Variants in FYTTD1 observed in about 807,000 individuals in gnomAD.
FYTTD1 encodes the protein forty-two-three domain containing 1, also known as UAP56-interacting factor.
In FYTTD1, 22 loss-of-function variants were observed where a neutral mutation model predicts 40.9. The observed-to-expected ratio is 0.54, with a 90% confidence interval of 0.38 to 0.77. FYTTD1 has a LOEUF of 0.77. Ranked by LOEUF, FYTTD1 falls within the 30% of genes least tolerant of loss-of-function variation. FYTTD1 has a pLI of 0.00. For synonymous variants in FYTTD1, 140 were observed against 137.9 expected, an observed-to-expected ratio of 1.01 and a Z score of -0.10; for missense variants, 351 against 392.2, an observed-to-expected ratio of 0.90 and a Z score of 0.89.
chr3:197,785,330 C>T lies in FYTTD1; in HGVS notation c.*3421C>T, dbSNP rs1466266543. The T allele has an allele frequency of 6.6e-6, 1 of 152,100 alleles. No individual in the cohort carries two copies. Among genetic ancestry groups the T allele is most frequent in the African/African-American group, 2.4e-5 (1 of 41,420 alleles). The allele number at this position is 152,100 out of a possible 1,614,324, so 9.4% of individuals were successfully genotyped here. A position where few individuals can be genotyped will look rare whatever the true frequency, so the allele number is the denominator to read the frequency against. Reference sequence around the variant, plus strand: ...ACATCTGTGTAAACGAAAAGTTGGCCCACTGTGTACATGGATTTTCCATTC... The same window carrying T: ...ACATCTGTGTAAACGAAAAGTTGGCTCACTGTGTACATGGATTTTCCATTC... On this transcript the variant is annotated 3_prime_UTR_variant, in exon 9 of 9. Coordinates refer to ENST00000241502, the MANE Select transcript of FYTTD1 (RefSeq NM_032288.7).
intron 1 of FYTTD1, chr3:197,755,939 A>G: frequency 1.6e-6 from 1 of 642,524 alleles, no homozygotes; most frequent in Non-Finnish European, 2.8e-6. Flanking sequence ...TTCTGTGATT[A>G]TGGGAAGTAG....
At chr3:197,779,908 A>G (rs1325776860) in intron 8 of FYTTD1, among the ~76,000 whole-genome samples, 3 of 133,468 alleles carry the variant, frequency 2.2e-5, no homozygotes, top group African/African-American at 5.8e-5. Flanking sequence ...GGCACACACC[A>G]CCACACCTGG....
In FYTTD1 at chr3:197,781,827, A is replaced by G; in HGVS notation, c.875A>G (p.Asn292Ser). The G allele has an allele frequency of 1.2e-6, 2 of 1,608,444 alleles. No homozygotes were observed. Among genetic ancestry groups the G allele is most frequent in the Non-Finnish European group, 1.7e-6 (2 of 1,176,458 alleles). ...SVGKQTGMTLNERFGILKEQR... is the reference protein window; with the variant it reads ...SVGKQTGMTLSERFGILKEQR... ...TTTCTCTAGACAGGGATGACGTTGA[A>G]TGAGCGGTTTGGGATCCTGAAGGAA... Residue 292 changes from asparagine (N) to serine (S), a missense_variant, in exon 9 of 9, where the codon AAT (asparagine) becomes AGT (serine). By Grantham distance (46) the Asn-to-Ser change is conservative. Transcript: ENST00000241502.
In FYTTD1 at chr3:197,781,990, C is replaced by T; in HGVS notation, c.*81C>T. On this transcript the variant is annotated 3_prime_UTR_variant, in exon 9 of 9. Coordinates refer to ENST00000241502, the MANE Select transcript of FYTTD1 (RefSeq NM_032288.7). ...GAGTTCATCACGGAAATTCAAGAAA[C>T]TTTACTTCAAAATATTCACAAGGCT... 1.4e-6 allele frequency: 1 copy of T among 718,804 alleles called. No homozygotes were observed. Among genetic ancestry groups the T allele is most frequent in the Non-Finnish European group, 2.2e-6 (1 of 460,368 alleles). 44.5% of individuals were successfully genotyped at this position (718,804 alleles called of 1,614,324 possible).
In FYTTD1 at chr3:197,756,476, A is replaced by C. The variant is rs1729218251; in HGVS notation, c.154A>C (p.Arg52=). The C allele has an allele frequency of 6.2e-7, 1 of 1,611,388 alleles. No individual in the cohort carries two copies. Residue 52 remains arginine (R), a synonymous_variant, in exon 2 of 9, where the codon AGA becomes CGA. Coordinates refer to ENST00000241502, the MANE Select transcript of FYTTD1 (RefSeq NM_032288.7). The part of the protein sequence containing the change: ...RKEGKKQNFP[R]LNRRLLQQSG... Reference sequence around the variant, plus strand: ...GGAAGGGAAGAAGCAGAATTTTCCAAGACTAAATAGAAGACTCCTCCAGCA... The same window carrying C: ...GGAAGGGAAGAAGCAGAATTTTCCACGACTAAATAGAAGACTCCTCCAGCA...
At chr3:197,774,855 C>T (rs1358636193) in intron 6 of FYTTD1, among the ~76,000 whole-genome samples, 1 of 152,146 alleles carries the variant, frequency 6.6e-6, no homozygotes, top group East Asian at 1.9e-4. Context: ...GGCCAGTGCA[C>T]ACCAGCCTGA....
At position 197,770,225 on chromosome 3, in the gene FYTTD1, C is replaced by T; in HGVS notation, c.478C>T (p.Pro160Ser). The T allele has an allele frequency of 6.2e-7, 1 of 1,608,342 alleles. No individual in the cohort carries two copies. Among genetic ancestry groups the T allele is most frequent in the Middle Eastern group, 1.7e-4 (1 of 6,054 alleles). The stretch of plus-strand genomic sequence containing the variant: ...GAAACCAGTAGCAGTTCTCAAGAGA[C>T]CTAGCCAGCTAAGCAGAAAGTAAGT... ...QRKPVAVLKR[P>S]SQLSRKNNIP... The change falls in exon 4 of 9, where the codon CCT (proline) becomes TCT (serine). Residue 160 changes from proline (P) to serine (S), a missense_variant. Physicochemically the swap from Pro to Ser is moderately conservative, Grantham distance 74. Transcript: ENST00000241502.
chr3:197,753,346 G>A (rs1015197398), intron 1 of FYTTD1, among the ~76,000 whole-genome samples: 2 of 152,140 alleles, frequency 1.3e-5, no homozygotes, highest in African/African-American at 2.4e-5. Flanking sequence ...GTGTTATGGT[G>A]ATACTTATTT....
At chr3:197,753,760 T>G (rs1217899994) in intron 1 of FYTTD1, among the ~76,000 whole-genome samples, 1 of 152,170 alleles carries the variant, frequency 6.6e-6, no homozygotes, top group East Asian at 1.9e-4. Flanking sequence ...TTATTTTATT[T>G]ATTTATTTAT....
intron 8 of FYTTD1, 104 bp from the exon 9 acceptor site, chr3:197,781,707 G>A: frequency 1.3e-6 from 1 of 747,516 alleles, no homozygotes; most frequent in South Asian, 2.0e-5. Flanking sequence ...GTCATTACTT[G>A]TAATTAATCA....
chr3:197,768,004 C>A (rs1424279696), intron 2 of FYTTD1, among the ~76,000 whole-genome samples: 1 of 152,114 alleles, frequency 6.6e-6, no homozygotes, highest in African/African-American at 2.4e-5. Context: ...TTTTACTTAG[C>A]CCAATATCTT....
At chr3:197,779,188 G>A (rs1332694424) in intron 8 of FYTTD1, among the ~76,000 whole-genome samples, 18 of 152,180 alleles carry the variant, frequency 1.2e-4, no homozygotes, top group Admixed American at 1.2e-3. Context: ...GCCGAGGTGG[G>A]GAGATCACCT....
Position 197,756,489 on chromosome 3 carries a change from G to T in FYTTD1, c.167G>T (p.Arg56Ile), listed in dbSNP as rs768284134. Reference protein sequence around the residue: ...KKQNFPRLNRRLLQQSGAQQF... With the variant: ...KKQNFPRLNRILLQQSGAQQF... ...CAGAATTTTCCAAGACTAAATAGAA[G>T]ACTCCTCCAGCAAAGTGGTGCCCAG... The change falls in exon 2 of 9, where the codon AGA becomes ATA. Residue 56 changes from arginine (R) to isoleucine (I), a missense_variant. By Grantham distance (97) the Arg-to-Ile change is moderately conservative. Transcript: ENST00000241502. The T allele has an allele frequency of 6.2e-7, 1 of 1,611,504 alleles. No homozygotes were observed. The highest frequency in any genetic ancestry group is 1.7e-4 in the Middle Eastern group (1 of 6,060).
intron 8 of FYTTD1, among the ~76,000 whole-genome samples, chr3:197,779,180 C>T (rs1393437812): frequency 7.2e-5 from 11 of 151,998 alleles, no homozygotes; most frequent in Non-Finnish European, 1.0e-4. Context: ...TTTGGGAGGC[C>T]GAGGTGGGGA....
chr3:197,755,504 G>C (rs1729185401), intron 1 of FYTTD1, among the ~76,000 whole-genome samples: 1 of 150,588 alleles, frequency 6.6e-6, no homozygotes, highest in South Asian at 2.1e-4. Flanking sequence ...GGAGTGCAGT[G>C]GTGCGATCTT....
At chr3:197,771,678 G>A (rs1436643054) in intron 4 of FYTTD1, among the ~76,000 whole-genome samples, 1 of 149,892 alleles carries the variant, frequency 6.7e-6, no homozygotes, top group Non-Finnish European at 1.5e-5. Context: ...TTGGGAGGCT[G>A]AGGCAGGAGA....
At chr3:197,764,905 T>A (rs1054080646) in intron 2 of FYTTD1, among the ~76,000 whole-genome samples, 12 of 150,902 alleles carry the variant, frequency 8.0e-5, no homozygotes, top group African/African-American at 2.9e-4. Flanking sequence ...GGCTGGAGTG[T>A]GGTAGTGCGA....
intron 4 of FYTTD1, among the ~76,000 whole-genome samples, chr3:197,770,744 C>T (rs1001322715): frequency 1.6e-4 from 24 of 151,746 alleles, no homozygotes; most frequent in African/African-American, 5.8e-4. Flanking sequence ...GAGACAGGGT[C>T]TCACCATGTT....
chr3:197,762,900 G>A (rs1444385596), intron 2 of FYTTD1, among the ~76,000 whole-genome samples: 1 of 151,836 alleles, frequency 6.6e-6, no homozygotes, highest in Non-Finnish European at 1.5e-5. Flanking sequence ...AAAACTAGTG[G>A]ATACTAGGCT....
Sources: allele counts gnomAD v4.1 joint callset (sites outside exome capture counted in the v4.1 genomes callset), GRCh38; gene constraint gnomAD v4.1.1; transcripts MANE v1.5; gene names NCBI Gene and HGNC (gene_info 2026-07-23, HGNC 2026-07-21).